The following STK33 variants were observed in gnomAD, a reference collection of about 807,000 sequenced individuals.
STK33 encodes the protein serine/threonine-protein kinase 33.
In STK33, 52 loss-of-function variants were observed where a neutral mutation model predicts 58.0. The observed-to-expected ratio is 0.90, with a 90% CI of 0.72 to 1.13. STK33 has a LOEUF of 1.13. Among genes scored for constraint, STK33 ranks in the 50% most tolerant of loss-of-function variants. The probability of loss-of-function intolerance (pLI) is 0.00; values close to 1 mark genes in which losing one functional copy is unlikely to be tolerated. For missense variants in STK33, 630 were observed against 604.2 expected (o/e 1.04, Z -0.45); for synonymous variants, 215 against 200.1 (o/e 1.07, Z -0.63).
the STK33 span, among the ~76,000 whole-genome samples, chr11:8,385,271 G>T: frequency 1.3e-5 from 2 of 152,136 alleles, no homozygotes; most frequent in Non-Finnish European, 2.9e-5. Flanking sequence ...GAAGACAAAC[G>T]GATCCTTTAA....
chr11:8,392,856 T>C lies in STK33; in HGVS notation c.1345-146A>G. 3 of 716,614 alleles carry C rather than the reference T, an allele frequency of 4.2e-6. No homozygotes were observed. In the South Asian group the frequency reaches 5.8e-5, roughly 14 times the overall value. 44.4% of individuals were successfully genotyped at this position (716,614 alleles called of 1,614,324 possible). A position where few individuals can be genotyped will look rare whatever the true frequency, so the allele number is the denominator to read the frequency against. On this transcript the variant is annotated intron_variant, in intron 15 of 15. Coordinates refer to ENST00000687296, the MANE Select transcript of STK33 (RefSeq NM_001352389.2). Reference sequence around the variant, plus strand: ...CCAAACTAGTCATATTGTAAAATTATTATTAAATGCCAAAAGATCCTTTTG... The same window carrying C: ...CCAAACTAGTCATATTGTAAAATTACTATTAAATGCCAAAAGATCCTTTTG...
At chr11:8,441,212 T>C (rs994151458) in intron 11 of STK33, among the ~76,000 whole-genome samples, 13 of 152,200 alleles carry the variant, frequency 8.5e-5, no homozygotes, top group African/African-American at 2.9e-4. Context: ...ATAGCATCAC[T>C]CCTATAACAG....
At chr11:8,414,072 C>T (rs953982330) in intron 14 of STK33, among the ~76,000 whole-genome samples, 5 of 152,170 alleles carry the variant, frequency 3.3e-5, no homozygotes, top group Middle Eastern at 3.4e-3. Context: ...AACGCCAGTG[C>T]GTCCAGTGCT....
intron 1 of STK33, among the ~76,000 whole-genome samples, chr11:8,538,835 T>A (rs1301833317): frequency 6.6e-6 from 1 of 152,142 alleles, no homozygotes; most frequent in Non-Finnish European, 1.5e-5. Flanking sequence ...GGAAAGAATA[T>A]GGAGCTATGA....
At chr11:8,559,358 T>C (rs75042912) in intron 1 of STK33, among the ~76,000 whole-genome samples, 4,493 of 152,296 alleles carry the variant, frequency 0.03, 83 homozygotes, top group Non-Finnish European at 0.046. Context: ...TGCTAGTTTC[T>C]AGGTTGGTGG....
At chr11:8,476,806 C>T (rs1028341471) in intron 3 of STK33, 55 bp from the exon 4 acceptor site, 4 of 152,168 alleles carry the variant, frequency 2.6e-5, no homozygotes, top group Admixed American at 6.5e-5. Context: ...CATGCAAAGC[C>T]ATCCGGTTCA....
intron 1 of STK33, among the ~76,000 whole-genome samples, chr11:8,557,706 A>G (rs1163803068): frequency 6.6e-6 from 1 of 152,162 alleles, no homozygotes; most frequent in African/African-American, 2.4e-5. Context: ...GCATTCAATG[A>G]AAGATTTTTA....
Position 8,435,614 on chromosome 11 carries a change from T to TTAA in STK33, c.1061-38_1061-36dup. The stretch of plus-strand genomic sequence containing the variant: ...AGAAAAAAATCCTGAAAAATCTTAT[T>TTAA]TAACTACAATTAATAGCATACATTT... On this transcript the variant is annotated intron_variant, in intron 13 of 15. Transcript: ENST00000687296. 3 of 1,264,000 alleles carry TTAA rather than the reference T, an allele frequency of 2.4e-6. No individual in the cohort carries two copies. The South Asian group carries it at 5.2e-5, about 22-fold the overall frequency. 78.3% of individuals were successfully genotyped at this position (1,264,000 alleles called of 1,614,324 possible). A position where few individuals can be genotyped will look rare whatever the true frequency, so the allele number is the denominator to read the frequency against.
chr11:8,383,762 C>T, the STK33 span, among the ~76,000 whole-genome samples: 2 of 152,204 alleles, frequency 1.3e-5, no homozygotes, highest in Admixed American at 6.5e-5. Flanking sequence ...AAAATACAGT[C>T]ACTGCCTAGT....
chr11:8,488,838 T>C (rs143287250), intron 1 of STK33, among the ~76,000 whole-genome samples: 1 of 152,102 alleles, frequency 6.6e-6, no homozygotes, highest in African/African-American at 2.4e-5. Flanking sequence ...ACATGGCCCA[T>C]ACAGAAGGAA....
At chr11:8,554,562 C>G (rs537506325) in intron 1 of STK33, among the ~76,000 whole-genome samples, 3 of 151,952 alleles carry the variant, frequency 2.0e-5, no homozygotes, top group African/African-American at 7.3e-5. Context: ...GAGATGATAT[C>G]ACCTCATACC....
chr11:8,499,696 A>G (rs556897031), intron 1 of STK33, among the ~76,000 whole-genome samples: 1 of 152,346 alleles, frequency 6.6e-6, no homozygotes, highest in Admixed American at 6.5e-5. Flanking sequence ...GACAAACTGG[A>G]TAAAGAAATG....
At chr11:8,394,261 A>T (rs1461128808) in intron 15 of STK33, among the ~76,000 whole-genome samples, 1 of 152,198 alleles carries the variant, frequency 6.6e-6, no homozygotes, top group Non-Finnish European at 1.5e-5. Flanking sequence ...TCTGGCTGAG[A>T]ACAAGTTGCT....
chr11:8,464,684 G>T, intron 7 of STK33, 25 bp downstream of exon 7: 1 of 1,540,358 alleles, frequency 6.5e-7, no homozygotes, highest in Non-Finnish European at 9.0e-7. Flanking sequence ...TGTGCCCTCA[G>T]TAGGATGCTG....
At chr11:8,352,115 G>A in the STK33 span, among the ~76,000 whole-genome samples, 2 of 152,186 alleles carry the variant, frequency 1.3e-5, no homozygotes, top group African/African-American at 4.8e-5. Context: ...CAAAGCTGGT[G>A]GGTGGTGGCT....
chr11:8,534,568 C>CTCTGTGTGTG (rs1402710450), intron 1 of STK33, among the ~76,000 whole-genome samples: 1 of 104,694 alleles, frequency 9.6e-6, no homozygotes, highest in Non-Finnish European at 1.8e-5. Flanking sequence ...CTCTCTCTCT[C>CTCTGTGTGTG]TGTGTGTGTG....
the STK33 span, among the ~76,000 whole-genome samples, chr11:8,366,196 T>A: frequency 1.3e-5 from 2 of 152,162 alleles, no homozygotes; most frequent in Non-Finnish European, 2.9e-5. Flanking sequence ...AGTGGGCCCA[T>A]CAGGGGAGGC....
intron 14 of STK33, among the ~76,000 whole-genome samples, chr11:8,424,776 A>G (rs540882044): frequency 7.2e-6 from 1 of 138,842 alleles, no homozygotes; most frequent in Non-Finnish European, 1.5e-5. Flanking sequence ...TTTTGGCTGC[A>G]TAAATGTCTT....
chr11:8,498,112 T>C (rs902556250), intron 1 of STK33, among the ~76,000 whole-genome samples: 2 of 152,120 alleles, frequency 1.3e-5, no homozygotes, highest in Non-Finnish European at 2.9e-5. Context: ...ACATTATTAA[T>C]ACAATAAATG....
Sources: gnomAD v4.1 joint callset for allele counts (sites outside exome capture counted in the v4.1 genomes callset) on GRCh38, gnomAD v4.1.1 for gene constraint, MANE v1.5 for transcripts, NCBI Gene and HGNC (gene_info 2026-07-23, HGNC 2026-07-21) for gene names.